The following PCDHA12 variants were observed in gnomAD, a reference collection of about 807,000 sequenced individuals.
PCDHA12 encodes protocadherin alpha 12.
In PCDHA12, 44 loss-of-function variants were observed where a neutral mutation model predicts 60.0. That is an observed-to-expected ratio of 0.73 (90% confidence interval 0.58 to 0.94). PCDHA12 has a LOEUF of 0.94. Among genes scored for constraint, PCDHA12 ranks in the 40% least tolerant of loss-of-function variants. The probability of loss-of-function intolerance (pLI) is 0.00; values close to 1 mark genes in which losing one functional copy is unlikely to be tolerated. For synonymous variants in PCDHA12, 569 were observed against 553.0 expected (o/e 1.03, Z -0.40); for missense variants, 1,276 against 1,239.7 (o/e 1.03, Z -0.44).
chr5:140,876,955 G>A lies in PCDHA12; in HGVS notation c.1483G>A (p.Val495Met). 6.2e-7 allele frequency: 1 copy of A among 1,613,390 alleles called. No individual in the cohort carries two copies. Among genetic ancestry groups the A allele is most frequent in the Non-Finnish European group, 8.5e-7 (1 of 1,179,850 alleles). ...GAACGCGCTGGTGTCCTACTCGCTG[G>A]TGGAGCGGCGGGTGGGCGAGCACGC... ...QKNALVSYSLVERRVGEHALS... is the reference protein window; with the variant it reads ...QKNALVSYSLMERRVGEHALS... Residue 495 changes from valine (V) to methionine (M), a missense_variant, in exon 1 of 4, where the codon GTG becomes ATG. Val to Met is a conservative substitution (Grantham distance 21). Transcript: ENST00000398631.
Position 140,879,462 on chromosome 5 carries a change from G to A in PCDHA12, c.2367+1623G>A, listed in dbSNP as rs927340529. 2.0e-5 allele frequency among the ~76,000 whole-genome samples: 3 copies of A among 152,180 alleles called. No individual in the cohort carries two copies. The South Asian group carries it at 6.2e-4, about 32-fold the overall frequency. ...AAAATGTTACTTTGAAGTCCTAAGAGAATACCGTTGTGATTGGAAATATGG... is the reference window on the plus strand; with the variant it reads ...AAAATGTTACTTTGAAGTCCTAAGAAAATACCGTTGTGATTGGAAATATGG... On this transcript the variant is annotated intron_variant, in intron 1 of 3. Coordinates refer to ENST00000398631, the MANE Select transcript of PCDHA12 (RefSeq NM_018903.4).
At chr5:140,935,144 A>G (rs1289868558) in intron 1 of PCDHA12, among the ~76,000 whole-genome samples, 1 of 152,184 alleles carries the variant, frequency 6.6e-6, no homozygotes, top group Admixed American at 6.5e-5. Context: ...TGATACTTAG[A>G]GATATAATCT....
In PCDHA12 at chr5:140,877,223, C is replaced by G; in HGVS notation, c.1751C>G (p.Ser584Trp). The G allele has an allele frequency of 6.2e-7, 1 of 1,613,714 alleles. No homozygotes were observed. Among genetic ancestry groups the G allele is most frequent in the Non-Finnish European group, 8.5e-7 (1 of 1,179,758 alleles). ...GCAGTTAGCGAGTTGGTACCGCGGT[C>G]GGTGGGTGCGGGCCACGTGGTGGCG... ...GGAVSELVPR[S>W]VGAGHVVAKV... The change falls in exon 1 of 4, where the codon TCG (serine) becomes TGG (tryptophan). Residue 584 changes from serine to tryptophan, a missense_variant. By Grantham distance (177) the Ser-to-Trp change is radical. Coordinates refer to ENST00000398631, the MANE Select transcript of PCDHA12 (RefSeq NM_018903.4).
intron 3 of PCDHA12, among the ~76,000 whole-genome samples, chr5:140,997,400 G>A (rs1554255862): frequency 3.3e-5 from 5 of 152,056 alleles, no homozygotes; most frequent in Admixed American, 1.3e-4. Context: ...AGGCTCTATC[G>A]TATGGCCTAT....
intron 1 of PCDHA12, among the ~76,000 whole-genome samples, chr5:140,893,950 T>A (rs1244558882): frequency 6.6e-6 from 1 of 152,206 alleles, no homozygotes; most frequent in Non-Finnish European, 1.5e-5. Flanking sequence ...TCTGCATGAC[T>A]TTATTAGTCA....
In PCDHA12 at chr5:140,877,321, G is replaced by A. The variant is rs1554169599; in HGVS notation, c.1849G>A (p.Gly617Ser). 1.2e-6 allele frequency: 2 copies of A among 1,614,000 alleles called. No individual in the cohort carries two copies. The highest frequency in any genetic ancestry group is 2.2e-5 in the South Asian group (2 of 91,078). The change falls in exon 1 of 4, where the codon GGC becomes AGC. Residue 617 changes from glycine (G) to serine (S), a missense_variant. Coordinates refer to ENST00000398631, the MANE Select transcript of PCDHA12 (RefSeq NM_018903.4). ...LSYELQPAAV[G>S]AHIPFHVGLY... ...CTACGAGTTGCAACCGGCGGCGGTCGGCGCGCACATCCCGTTCCACGTGGG... is the reference window on the plus strand; with the variant it reads ...CTACGAGTTGCAACCGGCGGCGGTCAGCGCGCACATCCCGTTCCACGTGGG...
intron 3 of PCDHA12, among the ~76,000 whole-genome samples, chr5:141,003,916 A>C (rs1176586597): frequency 3.9e-5 from 6 of 152,150 alleles, no homozygotes; most frequent in African/African-American, 1.4e-4. Context: ...TCTTGACTGC[A>C]TCCTCAGTCT....
At chr5:140,909,942 T>G (rs577556804) in intron 1 of PCDHA12, among the ~76,000 whole-genome samples, 1 of 152,304 alleles carries the variant, frequency 6.6e-6, no homozygotes, top group Non-Finnish European at 1.5e-5. Flanking sequence ...GTTACTCTGG[T>G]AAAAAGCCGT....
chr5:140,973,923 C>T (rs1157032594), intron 1 of PCDHA12, among the ~76,000 whole-genome samples: 1 of 152,170 alleles, frequency 6.6e-6, no homozygotes, highest in African/African-American at 2.4e-5. Flanking sequence ...TCACCAAACC[C>T]AGAGGTTTAG....
intron 1 of PCDHA12, among the ~76,000 whole-genome samples, chr5:140,960,750 A>C (rs1367583531): frequency 6.6e-6 from 1 of 152,048 alleles, no homozygotes; most frequent in African/African-American, 2.4e-5. Context: ...CATGGCTAAA[A>C]TCCCAAGAGT....
At chr5:140,915,015 G>T (rs1469800021) in intron 1 of PCDHA12, among the ~76,000 whole-genome samples, 3 of 146,766 alleles carry the variant, frequency 2.0e-5, no homozygotes, top group Non-Finnish European at 4.5e-5. Flanking sequence ...GCCTGATCTT[G>T]GCTCACTGCA....
At position 140,876,499 on chromosome 5, in the gene PCDHA12, G is replaced by C; in HGVS notation, c.1027G>C (p.Val343Leu). Residue 343 changes from valine to leucine, a missense_variant, in exon 1 of 4, where the codon GTG (valine) becomes CTG (leucine). Transcript: ENST00000398631. ...CATGGTCCTGGTGGAAGTTCTGGAC[G>C]TGAATGACAATGTCCCTGAAGTAAT... ...HSMVLVEVLD[V>L]NDNVPEVMVT... is the part of the protein sequence containing the mutation. 6.2e-7 allele frequency: 1 copy of C among 1,614,028 alleles called. No individual in the cohort carries two copies. The highest frequency in any genetic ancestry group is 1.1e-5 in the South Asian group (1 of 91,088).
At chr5:140,878,352 A>T (rs2057558583) in intron 1 of PCDHA12, among the ~76,000 whole-genome samples, 1 of 152,242 alleles carries the variant, frequency 6.6e-6, no homozygotes, top group African/African-American at 2.4e-5. Flanking sequence ...CAATAATATA[A>T]ATGATATGTC....
intron 1 of PCDHA12, chr5:140,927,469 C>T (rs17844359): frequency 6.2e-7 from 1 of 1,614,082 alleles, no homozygotes; most frequent in Non-Finnish European, 8.5e-7. Context: ...AGCACTGGAT[C>T]GCGAACAGCG....
intron 1 of PCDHA12, among the ~76,000 whole-genome samples, chr5:140,958,822 A>G (rs1554223658): frequency 6.6e-6 from 1 of 152,146 alleles, no homozygotes; most frequent in Non-Finnish European, 1.5e-5. Context: ...TTTAATTTTT[A>G]TATCTTAAAG....
intron 1 of PCDHA12, among the ~76,000 whole-genome samples, chr5:140,975,809 TA>T (rs146252033): frequency 0.06 from 9,090 of 152,310 alleles, 381 homozygotes; most frequent in East Asian, 0.11. Context: ...TTTATAATTT[TA>T]ATAGGAACTG....
At chr5:140,901,766 A>T (rs2068897184) in intron 1 of PCDHA12, among the ~76,000 whole-genome samples, 1 of 152,188 alleles carries the variant, frequency 6.6e-6, no homozygotes, top group Admixed American at 6.5e-5. Flanking sequence ...CAGGGATTGC[A>T]TTGAATTTGT....
intron 1 of PCDHA12, among the ~76,000 whole-genome samples, chr5:140,941,126 G>T (rs1194807243): frequency 6.6e-6 from 1 of 151,906 alleles, no homozygotes; most frequent in Non-Finnish European, 1.5e-5. Flanking sequence ...GTCCTTTGAA[G>T]TTCCAGCTTA....
At chr5:141,004,843 A>G (rs2098184369) in intron 3 of PCDHA12, among the ~76,000 whole-genome samples, 1 of 152,230 alleles carries the variant, frequency 6.6e-6, no homozygotes, top group African/African-American at 2.4e-5. Context: ...CAAAGTCATT[A>G]GTCTCAGAGA....
Sources: gnomAD v4.1 joint callset for allele counts (sites outside exome capture counted in the v4.1 genomes callset) on GRCh38, gnomAD v4.1.1 for gene constraint, MANE v1.5 for transcripts, NCBI Gene and HGNC (gene_info 2026-07-23, HGNC 2026-07-21) for gene names.